The following REC114 variants were observed in gnomAD, a reference collection of about 807,000 sequenced individuals.
REC114 encodes meiotic recombination protein REC114.
A neutral mutation model predicts 31.3 loss-of-function variants in REC114; 27 were observed. The ratio of observed to expected loss-of-function variants is 0.86; its 90% confidence interval spans 0.64 to 1.19. The LOEUF (loss-of-function observed/expected upper bound fraction) is 1.19. REC114 is among the 50% of genes most tolerant of loss of function. The pLI is 0.00. For missense variants in REC114, 344 were observed against 326.9 expected (o/e 1.05, Z -0.40); for synonymous variants, 134 against 127.7 (o/e 1.05, Z -0.33).
chr15:73,477,058 A>G (rs1214380926), intron 2 of REC114, among the ~76,000 whole-genome samples: 1 of 152,168 alleles, frequency 6.6e-6, no homozygotes, highest in East Asian at 1.9e-4. Flanking sequence ...ATCTATCCTA[A>G]TAAGTGTGTA....
At position 73,443,237 on chromosome 15, in the gene REC114, G is replaced by C. The variant is rs903501042; in HGVS notation, c.52G>C (p.Ala18Pro). 3.2e-6 allele frequency: 5 copies of C among 1,574,264 alleles called. No individual in the cohort carries two copies. The African/African-American group carries it at 6.7e-5, about 21-fold the overall frequency. Reference sequence around the variant, plus strand: ...GAGCCTCGGGCTTACCGGAGGAGAAGCGGCAGAGTGGCCTCTGCAGCGGTA... The same window carrying C: ...GAGCCTCGGGCTTACCGGAGGAGAACCGGCAGAGTGGCCTCTGCAGCGGTA... ...PLSLGLTGGE[A>P]AEWPLQRYAR... Residue 18 changes from alanine (A) to proline (P), a missense_variant, in exon 1 of 6, where the codon GCG becomes CCG. Transcript: ENST00000331090.
chr15:73,528,398 C>G (rs1415395655), intron 2 of REC114, among the ~76,000 whole-genome samples: 1 of 152,098 alleles, frequency 6.6e-6, no homozygotes, highest in Non-Finnish European at 1.5e-5. Context: ...AGGAAGTAAT[C>G]TTATAAAATC....
intron 2 of REC114, among the ~76,000 whole-genome samples, chr15:73,521,847 T>C (rs1301373674): frequency 6.6e-6 from 1 of 152,190 alleles, no homozygotes; most frequent in Non-Finnish European, 1.5e-5. Flanking sequence ...AAGAAAACTG[T>C]AGGCCCATGT....
chr15:73,465,945 G>A (rs1268722436), intron 1 of REC114, among the ~76,000 whole-genome samples: 1 of 152,038 alleles, frequency 6.6e-6, no homozygotes, highest in African/African-American at 2.4e-5. Flanking sequence ...TCTGCCTTCC[G>A]GGTTCAAGCG....
chr15:73,502,265 A>T (rs982491709), intron 2 of REC114, among the ~76,000 whole-genome samples: 39 of 152,284 alleles, frequency 2.6e-4, no homozygotes, highest in Non-Finnish European at 4.3e-4. Flanking sequence ...TAGAAAAAAA[A>T]ATATAAAAGC....
intron 2 of REC114, among the ~76,000 whole-genome samples, chr15:73,481,869 C>G (rs112742819): frequency 6.6e-6 from 1 of 151,970 alleles, no homozygotes; most frequent in Admixed American, 6.6e-5. Flanking sequence ...CCATGTTGGT[C>G]AGGCTGGTCT....
intron 2 of REC114, among the ~76,000 whole-genome samples, chr15:73,525,767 A>G (rs114260356): frequency 0.01 from 1,581 of 152,224 alleles, 27 homozygotes; most frequent in African/African-American, 0.036. Context: ...TGCATATGGT[A>G]TATCTTTTTG....
At chr15:73,550,461 G>A (rs1486568327) in intron 3 of REC114, among the ~76,000 whole-genome samples, 1 of 152,150 alleles carries the variant, frequency 6.6e-6, no homozygotes, top group Non-Finnish European at 1.5e-5. Context: ...TTGAGCATCT[G>A]CCTGTCACTC....
intron 1 of REC114, among the ~76,000 whole-genome samples, chr15:73,470,564 G>T (rs1893120133): frequency 6.6e-6 from 1 of 152,096 alleles, no homozygotes; most frequent in Admixed American, 6.6e-5. Context: ...GGTGTCTATT[G>T]TGTGCCAGGT....
intron 2 of REC114, among the ~76,000 whole-genome samples, chr15:73,490,729 C>T (rs1893430238): frequency 6.6e-6 from 1 of 152,136 alleles, no homozygotes. Flanking sequence ...AATATACTCA[C>T]TGAGTTCATT....
At chr15:73,477,070 T>C (rs1276641552) in intron 2 of REC114, among the ~76,000 whole-genome samples, 1 of 152,238 alleles carries the variant, frequency 6.6e-6, no homozygotes, top group African/African-American at 2.4e-5. Flanking sequence ...AAGTGTGTAG[T>C]ATTATCTCAT....
chr15:73,544,231 G>A (rs770995777), intron 3 of REC114, among the ~76,000 whole-genome samples: 8 of 152,008 alleles, frequency 5.3e-5, no homozygotes, highest in Non-Finnish European at 1.0e-4. Flanking sequence ...TAAGATCATG[G>A]GTTTCTTCCT....
chr15:73,473,657 A>G (rs1010567858), intron 1 of REC114, among the ~76,000 whole-genome samples, 175 bp from the exon 2 acceptor site: 1 of 151,976 alleles, frequency 6.6e-6, no homozygotes, highest in African/African-American at 2.4e-5. Flanking sequence ...GCCTATATAT[A>G]TGGAGAAGCT....
chr15:73,449,705 C>T (rs1201190657), intron 1 of REC114, among the ~76,000 whole-genome samples: 1 of 152,030 alleles, frequency 6.6e-6, no homozygotes, highest in Non-Finnish European at 1.5e-5. Flanking sequence ...CAGATACACA[C>T]CAAGGTTGAA....
chr15:73,502,332 G>A lies in REC114; in HGVS notation c.249+28411G>A, dbSNP rs544064495. Among the ~76,000 whole-genome samples, 924 of 152,100 alleles carry A rather than the reference G, an allele frequency of 6.1e-3. 7 individuals carry two copies. The highest frequency in any genetic ancestry group is 0.021 in the African/African-American group (879 of 41,478). ...TATTACACTACAGTTGATCCTTCAG[G>A]ATGCAGGGGTTAGGGGCACCAACCC... On this transcript the variant is annotated intron_variant, in intron 2 of 5. Transcript: ENST00000331090.
chr15:73,534,012 A>G (rs1192061183), intron 2 of REC114, among the ~76,000 whole-genome samples: 1 of 124,644 alleles, frequency 8.0e-6, no homozygotes, highest in Non-Finnish European at 1.7e-5. Context: ...ACAACATACC[A>G]GAATCTCTGG....
At chr15:73,500,443 T>C (rs1893589059) in intron 2 of REC114, among the ~76,000 whole-genome samples, 1 of 152,128 alleles carries the variant, frequency 6.6e-6, no homozygotes. Flanking sequence ...TTTTACTTTT[T>C]CAAGAAAGGC....
intron 2 of REC114, among the ~76,000 whole-genome samples, chr15:73,507,352 A>T (rs1464022890): frequency 6.6e-6 from 1 of 152,168 alleles, no homozygotes; most frequent in Admixed American, 6.5e-5. Flanking sequence ...AACTTTCTCA[A>T]ATTATGAGAT....
In REC114 at chr15:73,465,972, T is replaced by G. The variant is rs564851559; in HGVS notation, c.160-7860T>G. Among the ~76,000 whole-genome samples the G allele has an allele frequency of 2.6e-5, 4 of 152,122 alleles. No individual in the cohort carries two copies. The East Asian group carries it at 7.8e-4, about 30-fold the overall frequency. On this transcript the variant is annotated intron_variant, in intron 1 of 5. Transcript: ENST00000331090. Reference sequence around the variant, plus strand: ...GTTCAAGCGATTCTTCTGCCTCAGCTTCCTGAGTAGCTGGGACTACAGGTG... The same window carrying G: ...GTTCAAGCGATTCTTCTGCCTCAGCGTCCTGAGTAGCTGGGACTACAGGTG...
Sources: gnomAD v4.1 joint callset for allele counts (sites outside exome capture counted in the v4.1 genomes callset) on GRCh38, gnomAD v4.1.1 for gene constraint, MANE v1.5 for transcripts, NCBI Gene and HGNC (gene_info 2026-07-23, HGNC 2026-07-21) for gene names.